The following THADA variants were observed in gnomAD, a reference collection of about 807,000 sequenced individuals.
THADA encodes THADA armadillo repeat containing, also known as tRNA (32-2'-O)-methyltransferase regulator THADA.
In THADA, 213 loss-of-function variants were observed where a neutral mutation model predicts 219.8. The ratio of observed to expected loss-of-function variants is 0.97; its 90% confidence interval spans 0.87 to 1.09. The LOEUF is 1.09. Among genes scored for constraint, THADA ranks in the 50% least tolerant of loss-of-function variants. THADA has a pLI of 0.00. For synonymous variants in THADA, 1,018 were observed against 828.9 expected, an observed-to-expected ratio of 1.23 and a Z score of -3.92; for missense variants, 2,956 against 2,311.3, an observed-to-expected ratio of 1.28 and a Z score of -5.72.
chr2:43,462,094 T>C (rs1226966140), intron 26 of THADA, among the ~76,000 whole-genome samples: 2 of 152,224 alleles, frequency 1.3e-5, no homozygotes, highest in Admixed American at 6.5e-5. Flanking sequence ...CTGCATTTTA[T>C]ACTTTGTTGA....
intron 2 of THADA, 118 bp from the exon 3 acceptor site, chr2:43,592,164 C>A: frequency 9.9e-7 from 1 of 1,006,426 alleles, no homozygotes; most frequent in Non-Finnish European, 1.4e-6. Context: ...GGAACATAGT[C>A]TGAAGACAGA....
At chr2:43,284,621 G>A (rs765307967) in intron 35 of THADA, among the ~76,000 whole-genome samples, 6 of 152,236 alleles carry the variant, frequency 3.9e-5, no homozygotes, top group Non-Finnish European at 8.8e-5. Flanking sequence ...AATATAGACG[G>A]GGAAATGTGG....
chr2:43,295,395 C>T (rs1297694058), intron 31 of THADA, among the ~76,000 whole-genome samples: 2 of 152,204 alleles, frequency 1.3e-5, no homozygotes, highest in Non-Finnish European at 2.9e-5. Context: ...TAGCCCTCTT[C>T]GGTTTGAGTC....
chr2:43,532,210 G>A (rs1462975622), intron 21 of THADA, among the ~76,000 whole-genome samples: 3 of 151,736 alleles, frequency 2.0e-5, no homozygotes, highest in Non-Finnish European at 2.9e-5. Flanking sequence ...TCAGGAGTTC[G>A]AGTCCAGCCT....
chr2:43,549,202 C>T lies in THADA; in HGVS notation c.3106+8G>A, dbSNP rs371704833. 44 of 1,553,416 alleles carry T rather than the reference C, an allele frequency of 2.8e-5. No homozygotes were observed. In the South Asian group the frequency reaches 2.9e-4, roughly 10 times the overall value. On this transcript the variant is annotated splice_region_variant and intron_variant, in intron 20 of 37. Coordinates refer to ENST00000405975, the MANE Select transcript of THADA (RefSeq NM_022065.5). The stretch of plus-strand genomic sequence containing the variant: ...CATGAATTACAGTATCCATTTTATA[C>T]AAGTTACCTTTGATTTCTGTAGAAG...
intron 20 of THADA, among the ~76,000 whole-genome samples, chr2:43,545,620 G>A (rs529149758): frequency 2.0e-5 from 3 of 152,206 alleles, no homozygotes; most frequent in Non-Finnish European, 4.4e-5. Flanking sequence ...ATGTGTCGAG[G>A]AATTTATCCA....
chr2:43,504,902 A>G (rs1008452677), intron 24 of THADA, among the ~76,000 whole-genome samples: 14 of 152,110 alleles, frequency 9.2e-5, no homozygotes, highest in Non-Finnish European at 1.9e-4. Context: ...AACAAACCAA[A>G]AAGGAGTGTC....
In THADA at chr2:43,232,897, G is replaced by C. The variant is rs779803148; in HGVS notation, c.5297-15C>G. The C allele has an allele frequency of 1.9e-6, 3 of 1,602,492 alleles. No homozygotes were observed. The highest frequency in any genetic ancestry group is 2.2e-5 in the East Asian group (1 of 44,538). Reference sequence around the variant, plus strand: ...GAAGGCAAACTCTGCAAAGACAGGAGAAAGGTGAGCAATGAATATACTGCT... The same window carrying C: ...GAAGGCAAACTCTGCAAAGACAGGACAAAGGTGAGCAATGAATATACTGCT... On this transcript the variant is annotated splice_polypyrimidine_tract_variant and intron_variant, in intron 36 of 37. Coordinates refer to ENST00000405975, the MANE Select transcript of THADA (RefSeq NM_022065.5).
At position 43,398,138 on chromosome 2, in the gene THADA, A is replaced by C; in HGVS notation, c.4060T>G (p.Cys1354Gly). ...MGPFVPFIMR[C>G]GHSPVYHSRE... The stretch of plus-strand genomic sequence containing the variant: ...GAGTGGTAGACAGGTGAGTGACCAC[A>C]CCTGGGGAGAAATAAAAACACAAGA... The change falls in exon 29 of 38, where the codon TGT (cysteine) becomes GGT (glycine). Residue 1354 changes from cysteine (C) to glycine (G), a missense_variant and splice_region_variant. By Grantham distance (159) the Cys-to-Gly change is radical (BLOSUM62 -3). Transcript: ENST00000405975. 1 of 1,613,436 alleles carries C rather than the reference A, an allele frequency of 6.2e-7. No homozygotes were observed. Among genetic ancestry groups the C allele is most frequent in the Non-Finnish European group, 8.5e-7 (1 of 1,179,526 alleles).
At chr2:43,568,633 A>T (rs1698945254) in intron 14 of THADA, among the ~76,000 whole-genome samples, 1 of 152,252 alleles carries the variant, frequency 6.6e-6, no homozygotes, top group Non-Finnish European at 1.5e-5. Flanking sequence ...GAGTTTTCAC[A>T]AATGTCATTT....
chr2:43,493,328 CT>C (rs1310244554), intron 25 of THADA, among the ~76,000 whole-genome samples: 1 of 152,152 alleles, frequency 6.6e-6, no homozygotes, highest in African/African-American at 2.4e-5. Flanking sequence ...AACCCCGTCT[CT>C]ACTAAAAATA....
chr2:43,488,452 C>A (rs1013356023), intron 25 of THADA, among the ~76,000 whole-genome samples: 1 of 152,126 alleles, frequency 6.6e-6, no homozygotes, highest in Non-Finnish European at 1.5e-5. Flanking sequence ...TAATGTTTGG[C>A]TTCTTTCACC....
chr2:43,313,508 G>A (rs1460469657), intron 31 of THADA, among the ~76,000 whole-genome samples: 2 of 152,222 alleles, frequency 1.3e-5, no homozygotes. Context: ...CCAGCAGCCT[G>A]GTATTAGGAA....
chr2:43,535,471 G>C (rs905123967), intron 21 of THADA, among the ~76,000 whole-genome samples: 3 of 151,050 alleles, frequency 2.0e-5, no homozygotes, highest in South Asian at 2.1e-4. Context: ...CTGAGGTCAG[G>C]AGTCTGAGAC....
Position 43,541,407 on chromosome 2 carries a change from A to G in THADA, c.3107-91T>C, listed in dbSNP as rs1695292965. On this transcript the variant is annotated intron_variant, in intron 20 of 37. Transcript: ENST00000405975. ...GCTTATTCATAATTTCCCCAAGAAT[A>G]ATCTGCTTGAACAAACCCGATTTGT... 55 of 1,459,584 alleles carry G rather than the reference A, an allele frequency of 3.8e-5. 2 individuals are homozygous for G. In the South Asian group the frequency reaches 6.0e-4, roughly 16 times the overall value. 90.4% of individuals were successfully genotyped at this position (1,459,584 alleles called of 1,614,324 possible). A position where few individuals can be genotyped will look rare whatever the true frequency, so the allele number is the denominator to read the frequency against.
At chr2:43,397,234 C>G (rs1674176141) in intron 29 of THADA, among the ~76,000 whole-genome samples, 2 of 152,164 alleles carry the variant, frequency 1.3e-5, no homozygotes, top group Non-Finnish European at 2.9e-5. Flanking sequence ...TCTCTCAACT[C>G]TGTTCATAAA....
At chr2:43,528,870 A>AT (rs1397228814) in intron 21 of THADA, among the ~76,000 whole-genome samples, 1 of 152,192 alleles carries the variant, frequency 6.6e-6, no homozygotes, top group African/African-American at 2.4e-5. Flanking sequence ...ATTAAGTGGC[A>AT]TAAGTACATT....
Position 43,331,918 on chromosome 2 carries a change from TAC to T in THADA, c.4344-11380_4344-11379del, listed in dbSNP as rs141276481. ...CAAAGACTCCATTATATATATCTAA[TAC>T]ACACACACACACACACACACACACA... On this transcript the variant is annotated intron_variant, in intron 30 of 37. Coordinates refer to ENST00000405975, the MANE Select transcript of THADA (RefSeq NM_022065.5). Among the ~76,000 whole-genome samples the T allele has an allele frequency of 6.0e-3, 857 of 142,540 alleles. 12 individuals are homozygous for T. Among genetic ancestry groups the T allele is most frequent in the African/African-American group, 0.019 (739 of 37,948 alleles). 93.5% of individuals were successfully genotyped at this position (142,540 alleles called of 152,430 possible).
intron 26 of THADA, among the ~76,000 whole-genome samples, chr2:43,434,353 C>T (rs773235097): frequency 3.3e-5 from 5 of 152,172 alleles, no homozygotes; most frequent in African/African-American, 4.8e-5. Flanking sequence ...TGGTTCCTGG[C>T]GAAGGAGGCT....
Sources: allele counts gnomAD v4.1 joint callset (sites outside exome capture counted in the v4.1 genomes callset), GRCh38; gene constraint gnomAD v4.1.1; transcripts MANE v1.5; gene names NCBI Gene and HGNC (gene_info 2026-07-23, HGNC 2026-07-21).